MEIS1: variants seen among roughly 807,000 people sequenced by gnomAD.
MEIS1 encodes homeobox protein Meis1.
Under a neutral mutation model 50.8 loss-of-function variants are expected in MEIS1, and 5 were observed. The observed-to-expected ratio is 0.10, with a 90% CI of 0.05 to 0.21. The LOEUF (loss-of-function observed/expected upper bound fraction) is 0.21, where lower values mean the gene tolerates loss of function less well. Ranked by LOEUF, MEIS1 falls within the 10% of genes least tolerant of loss-of-function variation. MEIS1 has a pLI of 1.00. For missense variants in MEIS1, 318 were observed against 517.3 expected (o/e 0.61, Z 3.74); for synonymous variants, 176 against 179.3 (o/e 0.98, Z 0.15).
chr2:66,571,615 T>A lies in MEIS1; in HGVS notation c.*407T>A. ...TGACTGTGGAGTTCCATTCTTGGCA[T>A]CTACTCTGGACCAAGGAGCATCCCT... On this transcript the variant is annotated 3_prime_UTR_variant, in exon 13 of 13. Transcript: ENST00000272369. 1 of 1,488,234 alleles carries A rather than the reference T, an allele frequency of 6.7e-7. No individual in the cohort carries two copies. Among genetic ancestry groups the A allele is most frequent in the Non-Finnish European group, 9.1e-7 (1 of 1,093,786 alleles). The allele number at this position is 1,488,234 out of a possible 1,614,324, so 92.2% of individuals were successfully genotyped here.
chr2:66,537,964 T>C (rs767172605), intron 8 of MEIS1, among the ~76,000 whole-genome samples: 1 of 152,238 alleles, frequency 6.6e-6, no homozygotes, highest in Non-Finnish European at 1.5e-5. Context: ...GCCATGTTTT[T>C]GTTGTGCATG....
rs75269877 is a variant in MEIS1, at chr2:66,509,932, T to A, written c.743-2217T>A. 8.0e-4 allele frequency among the ~76,000 whole-genome samples: 122 copies of A among 152,334 alleles called. 2 individuals are homozygous for A. The East Asian group carries it at 0.022, about 27-fold the overall frequency. The stretch of plus-strand genomic sequence containing the variant: ...TTCTAGGCAGGCACTATGCATTGCT[T>A]GCTAAATTAATCTGAAGGGGTTTGA... On this transcript the variant is annotated intron_variant, in intron 7 of 12. Transcript: ENST00000272369.
rs543224427 is a variant in MEIS1, at chr2:66,467,998, C to T, written c.742+3778C>T. Among the ~76,000 whole-genome samples the T allele has an allele frequency of 7.2e-4, 109 of 152,256 alleles. 2 individuals carry two copies. Among genetic ancestry groups the T allele is most frequent in the Admixed American group, 1.3e-3 (20 of 15,294 alleles). ...TTATTTTATCCCTGGCAATTACTTG[C>T]TTTATTTTCCCATTTCACAGGAGAT... On this transcript the variant is annotated intron_variant, in intron 7 of 12. Transcript: ENST00000272369.
intron 9 of MEIS1, among the ~76,000 whole-genome samples, chr2:66,561,135 A>AT (rs1276701706): frequency 1.3e-5 from 2 of 152,128 alleles, no homozygotes; most frequent in Non-Finnish European, 2.9e-5. Flanking sequence ...TTTCAGAGTG[A>AT]TTTTTTTATT....
intron 7 of MEIS1, among the ~76,000 whole-genome samples, chr2:66,496,607 C>T (rs1247930284): frequency 6.6e-6 from 1 of 152,128 alleles, no homozygotes; most frequent in East Asian, 1.9e-4. Flanking sequence ...TCTTTATGTC[C>T]TAGGCATGGG....
intron 7 of MEIS1, among the ~76,000 whole-genome samples, chr2:66,482,155 C>T (rs1673032950): frequency 6.6e-6 from 1 of 152,098 alleles, no homozygotes; most frequent in Admixed American, 6.6e-5. Context: ...CCACCATGCC[C>T]AGTGATATTC....
intron 8 of MEIS1, among the ~76,000 whole-genome samples, chr2:66,521,213 A>G (rs1267758420): frequency 6.6e-6 from 1 of 152,234 alleles, no homozygotes; most frequent in Non-Finnish European, 1.5e-5. Context: ...AACATTATTT[A>G]ACTGCTCCTC....
At chr2:66,554,650 TAGTC>T (rs896560444) in intron 9 of MEIS1, among the ~76,000 whole-genome samples, 14 of 152,216 alleles carry the variant, frequency 9.2e-5, no homozygotes, top group Non-Finnish European at 1.6e-4. Context: ...TAGGACGAAT[TAGTC>T]AGGACTCAAA....
In MEIS1 at chr2:66,464,154, G is replaced by C; in HGVS notation, c.676G>C (p.Gly226Arg). 1 of 1,606,590 alleles carries C rather than the reference G, an allele frequency of 6.2e-7. No individual in the cohort carries two copies. The highest frequency in any genetic ancestry group is 8.5e-7 in the Non-Finnish European group (1 of 1,176,758). ...DHDDTASTRS[G>R]GTPGPSSGGH... ...TGATGACACGGCATCTACTCGTTCA[G>C]GAGGAACCCCAGGCCCTTCCAGCGG... Residue 226 changes from glycine (G) to arginine (R), a missense_variant, in exon 7 of 13, where the codon GGA becomes CGA. Physicochemically the swap from Gly to Arg is moderately radical, Grantham distance 125. Around this residue, in one of 6 missense-constraint regions of MEIS1, gnomAD observed 48 missense variants for 50.9 expected, o/e 0.94. Transcript: ENST00000272369.
At chr2:66,491,541 G>C (rs1361808360) in intron 7 of MEIS1, among the ~76,000 whole-genome samples, 1 of 152,134 alleles carries the variant, frequency 6.6e-6, no homozygotes, top group African/African-American at 2.4e-5. Flanking sequence ...GTTTTCTCAG[G>C]CCTTGGATAT....
intron 8 of MEIS1, among the ~76,000 whole-genome samples, chr2:66,528,692 C>T (rs902289352): frequency 1.3e-5 from 2 of 152,176 alleles, no homozygotes; most frequent in African/African-American, 4.8e-5. Flanking sequence ...CCGTTCGTTC[C>T]CCAGCCTTCC....
At chr2:66,524,973 C>G (rs991511487) in intron 8 of MEIS1, among the ~76,000 whole-genome samples, 2 of 152,048 alleles carry the variant, frequency 1.3e-5, no homozygotes. Flanking sequence ...TTTGGGAGAC[C>G]AGGACAGGCA....
At chr2:66,442,270 TAAAAAAAA>T (rs11292294) in intron 5 of MEIS1, among the ~76,000 whole-genome samples, 20 of 114,552 alleles carry the variant, frequency 1.7e-4, no homozygotes, top group Admixed American at 5.4e-4. Flanking sequence ...CTCCTTTTTG[TAAAAAAAA>T]AAAAAAAAAA....
Position 66,498,702 on chromosome 2 carries a change from G to A in MEIS1, c.743-13447G>A, listed in dbSNP as rs77519681. On this transcript the variant is annotated intron_variant, in intron 7 of 12. Coordinates refer to ENST00000272369, the MANE Select transcript of MEIS1 (RefSeq NM_002398.3). ...TGGAGTGACTGGAGGCTGTCCCCACGTCCCACTTCAGTGAGGCATTCATGT... is the reference window on the plus strand; with the variant it reads ...TGGAGTGACTGGAGGCTGTCCCCACATCCCACTTCAGTGAGGCATTCATGT... Among the ~76,000 whole-genome samples the A allele has an allele frequency of 1.2e-3, 178 of 152,250 alleles. 1 individual carries two copies. The East Asian group carries it at 0.02, about 17-fold the overall frequency.
chr2:66,532,099 A>G (rs780633355), intron 8 of MEIS1, among the ~76,000 whole-genome samples: 3 of 152,012 alleles, frequency 2.0e-5, no homozygotes, highest in Non-Finnish European at 4.4e-5. Context: ...TTCTGTTCCT[A>G]TGGGAATTAG....
chr2:66,492,115 G>A (rs1276128488), intron 7 of MEIS1, among the ~76,000 whole-genome samples: 7 of 149,730 alleles, frequency 4.7e-5, no homozygotes, highest in Admixed American at 2.7e-4. Flanking sequence ...GGGTGTGAGC[G>A]AGGAATTCCT....
chr2:66,476,901 GA>G (rs142681922), intron 7 of MEIS1, among the ~76,000 whole-genome samples: 26 of 150,324 alleles, frequency 1.7e-4, no homozygotes, highest in South Asian at 1.1e-3. Flanking sequence ...GGCATGTAAG[GA>G]AAAAAAAAAT....
intron 8 of MEIS1, among the ~76,000 whole-genome samples, chr2:66,518,149 C>A (rs1002388570): frequency 3.3e-5 from 5 of 152,128 alleles, no homozygotes; most frequent in African/African-American, 9.7e-5. Flanking sequence ...GATGCGGAGG[C>A]ATGGGGGAAA....
chr2:66,509,307 A>G (rs1232183454), intron 7 of MEIS1, among the ~76,000 whole-genome samples: 1 of 152,178 alleles, frequency 6.6e-6, no homozygotes, highest in Non-Finnish European at 1.5e-5. Flanking sequence ...TTGTGTCGGA[A>G]AGGAGCAGGG....
Sources: gnomAD v4.1 joint callset for allele counts (sites outside exome capture counted in the v4.1 genomes callset) on GRCh38, gnomAD v4.1.1 for gene constraint, gnomAD v4.1.1 regional missense constraint, MANE v1.5 for transcripts, NCBI Gene and HGNC (gene_info 2026-07-23, HGNC 2026-07-21) for gene names.